KLRG1: variants seen among roughly 807,000 people sequenced by gnomAD.
The protein encoded by KLRG1 is killer cell lectin-like receptor subfamily G member 1.
In KLRG1, 16 loss-of-function variants were observed where a neutral mutation model predicts 21.8. The ratio of observed to expected loss-of-function variants is 0.73; its 90% CI spans 0.50 to 1.11. The LOEUF (loss-of-function observed/expected upper bound fraction) is 1.11. Among genes scored for constraint, KLRG1 ranks in the 50% most tolerant of loss-of-function variants. KLRG1 has a pLI of 0.00. For synonymous variants in KLRG1, 69 were observed against 75.9 expected (o/e 0.91, Z 0.47); for missense variants, 173 against 218.3 (o/e 0.79, Z 1.31).
At chr12:9,161,440 T>C in the KLRG1 span, among the ~76,000 whole-genome samples, 113 of 152,326 alleles carry the variant, frequency 7.4e-4, no homozygotes, top group African/African-American at 2.6e-3. Context: ...ATGATGAGAC[T>C]ACCTTTGATA....
chr12:9,089,719 T>C, the KLRG1 span, among the ~76,000 whole-genome samples: 1 of 152,026 alleles, frequency 6.6e-6, no homozygotes, highest in African/African-American at 2.4e-5. Flanking sequence ...CCAGCCTGGA[T>C]GACAGAGCAA....
chr12:9,034,540 G>A, the KLRG1 span, among the ~76,000 whole-genome samples: 33,095 of 151,506 alleles, frequency 0.22, 4,206 homozygotes, highest in East Asian at 0.32. Context: ...CCGCCTCCCC[G>A]GTTCCAGCGA....
At chr12:8,955,872 A>C (rs1307205452) in intron 1 of KLRG1, among the ~76,000 whole-genome samples, 1 of 152,082 alleles carries the variant, frequency 6.6e-6, no homozygotes, top group South Asian at 2.1e-4. Flanking sequence ...CTCACCTGCC[A>C]GTTCTGGGTA....
the KLRG1 span, among the ~76,000 whole-genome samples, chr12:9,060,919 C>G: frequency 6.6e-6 from 1 of 152,010 alleles, no homozygotes; most frequent in African/African-American, 2.4e-5. Context: ...TGTGGTTACT[C>G]GAATATGATT....
chr12:9,131,303 T>C, the KLRG1 span, among the ~76,000 whole-genome samples: 1 of 152,230 alleles, frequency 6.6e-6, no homozygotes, highest in Non-Finnish European at 1.5e-5. Context: ...ATGGATTTTC[T>C]TTTTAAAAGT....
chr12:9,096,685 A>C, the KLRG1 span, among the ~76,000 whole-genome samples: 1 of 152,228 alleles, frequency 6.6e-6, no homozygotes, highest in Non-Finnish European at 1.5e-5. Context: ...AAACTGATTG[A>C]CAAGAACAGA....
the KLRG1 span, among the ~76,000 whole-genome samples, chr12:9,147,657 TGTCATC>T: frequency 6.6e-6 from 1 of 152,192 alleles, no homozygotes; most frequent in East Asian, 1.9e-4. Flanking sequence ...TTTCCTACTC[TGTCATC>T]TTGCTGACTT....
At chr12:8,965,003 G>A (rs1946443315) in intron 1 of KLRG1, among the ~76,000 whole-genome samples, 1 of 152,086 alleles carries the variant, frequency 6.6e-6, no homozygotes, top group Non-Finnish European at 1.5e-5. Flanking sequence ...TTGCCAGTCT[G>A]TGTCCCTGGG....
At chr12:9,160,572 TCA>T in the KLRG1 span, 20 of 1,266,778 alleles carry the variant, frequency 1.6e-5, no homozygotes, top group South Asian at 2.4e-4. Context: ...GCCTTTATAT[TCA>T]GAGTCTATCA....
At chr12:9,020,890 A>G in the KLRG1 span, among the ~76,000 whole-genome samples, 1 of 152,210 alleles carries the variant, frequency 6.6e-6, no homozygotes, top group Admixed American at 6.5e-5. Flanking sequence ...TCGTGGCAAC[A>G]TCATAGAATG....
the KLRG1 span, chr12:9,089,916 G>A: frequency 6.2e-7 from 1 of 1,611,132 alleles, no homozygotes; most frequent in Non-Finnish European, 8.5e-7. Flanking sequence ...ACCAACAGAG[G>A]CTTGATGACT....
chr12:9,045,215 C>G, the KLRG1 span, among the ~76,000 whole-genome samples: 1 of 152,162 alleles, frequency 6.6e-6, no homozygotes, highest in African/African-American at 2.4e-5. Flanking sequence ...CAAACCATCA[C>G]TCAGAAAACT....
the KLRG1 span, chr12:9,192,195 T>A: frequency 6.2e-7 from 1 of 1,612,842 alleles, no homozygotes. Context: ...ATACTCACTG[T>A]CTCCTGACTC....
the KLRG1 span, among the ~76,000 whole-genome samples, chr12:9,091,778 G>A: frequency 6.6e-6 from 1 of 152,196 alleles, no homozygotes; most frequent in African/African-American, 2.4e-5. Flanking sequence ...GGGCCTGACT[G>A]AATCTGTATT....
the KLRG1 span, among the ~76,000 whole-genome samples, chr12:9,117,257 G>A: frequency 2.6e-5 from 4 of 152,160 alleles, no homozygotes; most frequent in South Asian, 8.3e-4. Flanking sequence ...GGAGTACTCA[G>A]TGGATTGACT....
chr12:9,068,414 A>T, the KLRG1 span, among the ~76,000 whole-genome samples: 4 of 152,266 alleles, frequency 2.6e-5, no homozygotes, highest in Non-Finnish European at 5.9e-5. Flanking sequence ...ATAGTGTTTT[A>T]TATATTCTTT....
At chr12:9,080,434 A>G in the KLRG1 span, 1 of 262,206 alleles carries the variant, frequency 3.8e-6, no homozygotes, top group Non-Finnish European at 7.2e-6. Context: ...ACAAATTGTA[A>G]GAGCCTGGTG....
At chr12:9,000,306 T>A (rs1323847071) in intron 3 of KLRG1, among the ~76,000 whole-genome samples, 1 of 152,180 alleles carries the variant, frequency 6.6e-6, no homozygotes, top group East Asian at 1.9e-4. Context: ...TTTGTCACGC[T>A]TCTTTATAAT....
chr12:9,008,929 G>C (rs1947557078), intron 3 of KLRG1, 46 bp from the exon 4 acceptor site: 2 of 1,247,812 alleles, frequency 1.6e-6, no homozygotes, highest in South Asian at 1.3e-5. Flanking sequence ...ATAATTGTTT[G>C]ACTGTGACAC....
Sources: allele counts gnomAD v4.1 joint callset (sites outside exome capture counted in the v4.1 genomes callset), GRCh38; gene constraint gnomAD v4.1.1; transcripts MANE v1.5; gene names NCBI Gene and HGNC (gene_info 2026-07-23, HGNC 2026-07-21).